Variants in KIF20B observed in about 807,000 individuals in gnomAD.
KIF20B encodes kinesin family member 20B, also known as kinesin-like protein KIF20B.
KIF20B carries 188 observed loss-of-function variants against 232.5 expected under a neutral mutation model. That is an observed-to-expected ratio of 0.81 (90% CI 0.72 to 0.91). The LOEUF is 0.91. KIF20B is among the 40% of genes least tolerant of loss of function. The pLI is 0.00. For missense variants in KIF20B, 2,154 were observed against 2,055.9 expected, an observed-to-expected ratio of 1.05 and a Z score of -0.92; for synonymous variants, 712 against 683.0, an observed-to-expected ratio of 1.04 and a Z score of -0.66.
intron 24 of KIF20B, among the ~76,000 whole-genome samples, chr10:89,752,146 A>G (rs1327715887): frequency 2.0e-5 from 3 of 152,086 alleles, no homozygotes; most frequent in Non-Finnish European, 4.4e-5. Context: ...AAAAAATGTA[A>G]TAGTACTTTG....
chr10:89,710,774 A>T (rs907245410), intron 5 of KIF20B, among the ~76,000 whole-genome samples, 187 bp from the exon 6 acceptor site: 1 of 152,256 alleles, frequency 6.6e-6, no homozygotes, highest in African/African-American at 2.4e-5. Flanking sequence ...TCAGAATAAT[A>T]GTCAATAAAA....
intron 15 of KIF20B, 36 bp from the exon 16 acceptor site, chr10:89,726,257 T>C (rs1290891356): frequency 1.3e-6 from 2 of 1,521,948 alleles, no homozygotes; most frequent in South Asian, 2.6e-5. Flanking sequence ...TGAACCCTAC[T>C]GTTAATATTA....
At chr10:89,744,016 A>T (rs1841860570) in intron 22 of KIF20B, 89 bp downstream of exon 22, 5 of 1,083,750 alleles carry the variant, frequency 4.6e-6, no homozygotes, top group African/African-American at 1.7e-5. Flanking sequence ...TTTTAATAAC[A>T]TCCTGTTTTG....
intron 23 of KIF20B, among the ~76,000 whole-genome samples, chr10:89,750,216 T>C (rs1259504525): frequency 1.3e-5 from 2 of 152,180 alleles, no homozygotes; most frequent in Non-Finnish European, 2.9e-5. Flanking sequence ...TTTTAATTGA[T>C]AATTAGATTT....
chr10:89,741,612 A>G (rs142957613), intron 21 of KIF20B, among the ~76,000 whole-genome samples: 50 of 152,234 alleles, frequency 3.3e-4, no homozygotes, highest in African/African-American at 1.2e-3. Context: ...TTTAACTTCC[A>G]TTTTGTTGAT....
chr10:89,744,006 T>C, intron 22 of KIF20B, 79 bp downstream of exon 22: 1 of 1,207,124 alleles, frequency 8.3e-7, no homozygotes. Flanking sequence ...ACAAATTTGT[T>C]TTTAATAACA....
At chr10:89,708,784 A>G (rs1470857586) in intron 2 of KIF20B, among the ~76,000 whole-genome samples, 4 of 152,240 alleles carry the variant, frequency 2.6e-5, no homozygotes, top group African/African-American at 4.8e-5. Context: ...AATGGTACAT[A>G]GTAAAAAAAT....
intron 17 of KIF20B, 24 bp downstream of exon 17, chr10:89,727,920 T>C (rs1383236208): frequency 2.0e-6 from 3 of 1,535,514 alleles, no homozygotes; most frequent in African/African-American, 2.8e-5. Context: ...TTTTATTTTG[T>C]CTTGATAAGG....
At chr10:89,754,345 G>A (rs1842078429) in intron 25 of KIF20B, among the ~76,000 whole-genome samples, 173 bp from the exon 26 acceptor site, 2 of 151,780 alleles carry the variant, frequency 1.3e-5, no homozygotes, top group African/African-American at 4.8e-5. Context: ...AAGCAAACCA[G>A]TTATTTTATT....
intron 4 of KIF20B, 136 bp from the exon 5 acceptor site, chr10:89,709,791 A>G: frequency 1.7e-6 from 1 of 572,652 alleles, no homozygotes; most frequent in South Asian, 6.2e-5. Flanking sequence ...TATCAAATGT[A>G]TTTGTGGGAG....
At position 89,714,036 on chromosome 10, in the gene KIF20B, C is replaced by CTT; in HGVS notation, c.676-4_676-3dup. 7.4e-7 allele frequency: 1 copy of CTT among 1,348,172 alleles called. No individual in the cohort carries two copies. Among genetic ancestry groups the CTT allele is most frequent in the Admixed American group, 2.5e-5 (1 of 40,294 alleles). 83.5% of individuals were successfully genotyped at this position (1,348,172 alleles called of 1,614,324 possible). On this transcript the variant is annotated splice_polypyrimidine_tract_variant and intron_variant, in intron 6 of 32. Coordinates refer to ENST00000371728, the MANE Select transcript of KIF20B (RefSeq NM_001284259.2). ...TGTTTTTTTAATTTTTTAAAACAATCTTTTTTTTAGGTTACTGTGCATAAT... is the reference window on the plus strand; with the variant it reads ...TGTTTTTTTAATTTTTTAAAACAATCTTTTTTTTTTAGGTTACTGTGCATAAT...
Position 89,714,953 on chromosome 10 carries a change from A to C in KIF20B, c.713-2A>C. On this transcript the variant is annotated splice_acceptor_variant, in intron 7 of 32. Transcript: ENST00000371728. LOFTEE classifies it high-confidence loss of function. ...TGTTTTTTCTTTTTCTTTTTTTTGT[A>C]GGAAGTTTAACTAACTCTTTGAATA... 6.8e-7 allele frequency: 1 copy of C among 1,467,526 alleles called. No homozygotes were observed. Among genetic ancestry groups the C allele is most frequent in the Non-Finnish European group, 9.3e-7 (1 of 1,079,630 alleles). 90.9% of individuals were successfully genotyped at this position (1,467,526 alleles called of 1,614,324 possible).
Position 89,737,612 on chromosome 10 carries a change from A to C in KIF20B, c.2771A>C (p.Lys924Thr). 6.2e-7 allele frequency: 1 copy of C among 1,605,200 alleles called. No homozygotes were observed. The highest frequency in any genetic ancestry group is 8.5e-7 in the Non-Finnish European group (1 of 1,176,664). ...HFQQELSLSE[K>T]KNLTLSKEVQ... ...CAGCAGGAACTTTCTCTTTCTGAAAAAAAGAATTTAACTTTAAGTAAAGAG... is the reference window on the plus strand; with the variant it reads ...CAGCAGGAACTTTCTCTTTCTGAAACAAAGAATTTAACTTTAAGTAAAGAG... Residue 924 changes from lysine (K) to threonine (T), a missense_variant, in exon 20 of 33, where the codon AAA (lysine) becomes ACA (threonine). Coordinates refer to ENST00000371728, the MANE Select transcript of KIF20B (RefSeq NM_001284259.2).
chr10:89,767,402 G>A (rs1224408612), intron 29 of KIF20B, among the ~76,000 whole-genome samples: 1 of 146,324 alleles, frequency 6.8e-6, no homozygotes, highest in Non-Finnish European at 1.5e-5. Flanking sequence ...TGACCACTAT[G>A]TGTGGAGGTA....
intron 17 of KIF20B, 97 bp downstream of exon 17, chr10:89,727,993 C>T (rs1843226766): frequency 3.6e-6 from 4 of 1,113,340 alleles, no homozygotes; most frequent in Non-Finnish European, 4.9e-6. Flanking sequence ...AATAATTAAA[C>T]AGTAATATAG....
In KIF20B at chr10:89,726,386, T is replaced by C. The variant is rs768009282; in HGVS notation, c.2095T>C (p.Tyr699His). The C allele has an allele frequency of 1.9e-6, 3 of 1,573,946 alleles. No individual in the cohort carries two copies. Among genetic ancestry groups the C allele is most frequent in the Non-Finnish European group, 2.6e-6 (3 of 1,157,400 alleles). ...GAAACAGGCTGAAATTGCTCACTTA[T>C]ATATTGCATCTCTTCCTGACCCCCA... ...IKKQAEIAHL[Y>H]IASLPDPQEA... Residue 699 changes from tyrosine to histidine, a missense_variant, in exon 16 of 33, where the codon TAT becomes CAT. Physicochemically the swap from Tyr to His is moderately conservative, Grantham distance 83. Transcript: ENST00000371728.
At chr10:89,710,137 T>TA (rs1842807421) in intron 5 of KIF20B, 72 bp downstream of exon 5, 5 of 1,330,052 alleles carry the variant, frequency 3.8e-6, no homozygotes, top group Non-Finnish European at 4.1e-6. Flanking sequence ...TTATAATACA[T>TA]ACATGTAGTT....
chr10:89,762,851 A>T lies in KIF20B; in HGVS notation c.4989+16A>T. ...AATGGAGGAGGTAAATACTTAAGTG[A>T]TGAGTAAATTTAATGAACAAATCTT... On this transcript the variant is annotated intron_variant, in intron 29 of 32. Transcript: ENST00000371728. 6.6e-7 allele frequency: 1 copy of T among 1,512,102 alleles called. No homozygotes were observed. Among genetic ancestry groups the T allele is most frequent in the Non-Finnish European group, 9.2e-7 (1 of 1,089,130 alleles). The allele number at this position is 1,512,102 out of a possible 1,614,324, so 93.7% of individuals were successfully genotyped here.
At chr10:89,748,092 C>T (rs1841954004) in intron 23 of KIF20B, among the ~76,000 whole-genome samples, 1 of 152,202 alleles carries the variant, frequency 6.6e-6, no homozygotes, top group African/African-American at 2.4e-5. Flanking sequence ...TCACTGCAAC[C>T]TCCGCCTTCC....
Sources: allele counts gnomAD v4.1 joint callset (sites outside exome capture counted in the v4.1 genomes callset), GRCh38; gene constraint gnomAD v4.1.1; transcripts MANE v1.5; gene names NCBI Gene and HGNC (gene_info 2026-07-23, HGNC 2026-07-21).